MAGI1: variants seen among roughly 807,000 people sequenced by gnomAD.
MAGI1 encodes the protein membrane-associated guanylate kinase, WW and PDZ domain-containing protein 1.
In MAGI1, 58 loss-of-function variants were observed where a neutral mutation model predicts 139.9. The ratio of observed to expected loss-of-function variants is 0.41; its 90% CI spans 0.34 to 0.52. MAGI1 has a LOEUF of 0.52. Ranked by LOEUF, MAGI1 falls within the 20% of genes least tolerant of loss-of-function variation. MAGI1 has a pLI of 0.12. For missense variants in MAGI1, 1,874 were observed against 1,901.6 expected (o/e 0.99, Z 0.27); for synonymous variants, 812 against 737.9 (o/e 1.10, Z -1.63).
chr3:65,984,958 C>G (rs970974396), intron 1 of MAGI1, among the ~76,000 whole-genome samples: 2 of 152,130 alleles, frequency 1.3e-5, no homozygotes, highest in African/African-American at 4.8e-5. Context: ...GAGGTCTTGT[C>G]TGAGGTTCAT....
intron 12 of MAGI1, 104 bp downstream of exon 12, chr3:65,429,416 T>C: frequency 8.3e-7 from 1 of 1,207,034 alleles, no homozygotes; most frequent in East Asian, 2.4e-5. Flanking sequence ...TTTGAAACAT[T>C]TAAATAAATT....
intron 2 of MAGI1, among the ~76,000 whole-genome samples, chr3:65,557,883 A>G (rs1880523): frequency 0.71 from 108,097 of 152,086 alleles, 38,746 homozygotes; most frequent in East Asian, 0.95. Context: ...CCTAAAATCA[A>G]TCAGTAATTA....
chr3:65,461,011 G>C (rs923272008), intron 5 of MAGI1, among the ~76,000 whole-genome samples: 1 of 152,040 alleles, frequency 6.6e-6, no homozygotes, highest in Non-Finnish European at 1.5e-5. Context: ...ATAAACATAC[G>C]TGTGCATGTA....
At chr3:65,818,336 C>T (rs573507938) in intron 1 of MAGI1, among the ~76,000 whole-genome samples, 3 of 152,178 alleles carry the variant, frequency 2.0e-5, no homozygotes, top group East Asian at 1.9e-4. Flanking sequence ...TGCTGGAGAC[C>T]TGATAATAAA....
Position 65,985,603 on chromosome 3 carries a change from C to T in MAGI1, c.313+52393G>A, listed in dbSNP as rs567997800. On this transcript the variant is annotated intron_variant, in intron 1 of 22. Transcript: ENST00000402939. ...ACTTTCTTAAGTGGAAATCTCTCGTCTTTTTTTCCCCTGGTACTTTGAAAA... is the reference window on the plus strand; with the variant it reads ...ACTTTCTTAAGTGGAAATCTCTCGTTTTTTTTTCCCCTGGTACTTTGAAAA... Among the ~76,000 whole-genome samples the T allele has an allele frequency of 2.0e-5, 3 of 152,246 alleles. No homozygotes were observed. In the South Asian group the frequency reaches 6.2e-4, roughly 32 times the overall value.
At chr3:66,033,825 T>A (rs540102549) in intron 1 of MAGI1, among the ~76,000 whole-genome samples, 1 of 152,220 alleles carries the variant, frequency 6.6e-6, no homozygotes, top group Admixed American at 6.5e-5. Context: ...AAGCATGACC[T>A]GTAATACACC....
intron 14 of MAGI1, among the ~76,000 whole-genome samples, chr3:65,390,617 G>A (rs1239159913): frequency 1.3e-5 from 2 of 152,140 alleles, no homozygotes; most frequent in Non-Finnish European, 2.9e-5. Context: ...CACTGGATAA[G>A]TAATTAAAGC....
intron 1 of MAGI1, among the ~76,000 whole-genome samples, chr3:65,970,809 T>C (rs922235739): frequency 6.6e-6 from 1 of 152,252 alleles, no homozygotes; most frequent in African/African-American, 2.4e-5. Flanking sequence ...TCAATGGTCA[T>C]GGCTTTGCCA....
At chr3:65,942,880 G>A (rs2063378046) in intron 1 of MAGI1, among the ~76,000 whole-genome samples, 1 of 152,084 alleles carries the variant, frequency 6.6e-6, no homozygotes, top group African/African-American at 2.4e-5. Context: ...AATGAGCTGG[G>A]CGTGGTGGTG....
intron 1 of MAGI1, among the ~76,000 whole-genome samples, chr3:65,879,337 C>G (rs544065963): frequency 3.6e-4 from 54 of 151,946 alleles, no homozygotes; most frequent in Non-Finnish European, 6.0e-4. Context: ...AAGACCTGGC[C>G]CCAATCCACC....
chr3:65,903,774 G>A (rs559548180), intron 1 of MAGI1, among the ~76,000 whole-genome samples: 5 of 152,222 alleles, frequency 3.3e-5, no homozygotes, highest in East Asian at 3.9e-4. Context: ...TTGGGAGGCC[G>A]AGGTGGGAGG....
chr3:65,604,417 T>C (rs1179755073), intron 2 of MAGI1, among the ~76,000 whole-genome samples: 2 of 152,150 alleles, frequency 1.3e-5, no homozygotes, highest in African/African-American at 4.8e-5. Flanking sequence ...AAAACAAAAG[T>C]GCCTCAATTT....
intron 12 of MAGI1, among the ~76,000 whole-genome samples, chr3:65,428,750 T>A (rs1255670259): frequency 6.6e-6 from 1 of 152,128 alleles, no homozygotes; most frequent in Non-Finnish European, 1.5e-5. Context: ...TGAAATAACG[T>A]CTTGTGCTAA....
At chr3:65,377,319 G>A (rs1942630542) in intron 17 of MAGI1, among the ~76,000 whole-genome samples, 2 of 152,228 alleles carry the variant, frequency 1.3e-5, no homozygotes, top group South Asian at 2.1e-4. Context: ...ACTAAGTTTA[G>A]TTGATCTCCA....
intron 1 of MAGI1, among the ~76,000 whole-genome samples, chr3:65,951,009 AAGG>A (rs2063820893): frequency 4.1e-5 from 5 of 122,022 alleles, no homozygotes; most frequent in Admixed American, 7.9e-5. Context: ...GGAAGGAAGG[AAGG>A]AAGGAAGGAA....
intron 1 of MAGI1, among the ~76,000 whole-genome samples, chr3:65,623,085 G>A (rs527515960): frequency 1.8e-4 from 27 of 152,130 alleles, no homozygotes; most frequent in Non-Finnish European, 3.5e-4. Flanking sequence ...GGTAATACGA[G>A]GAATCATATG....
chr3:65,689,825 T>C (rs889422184), intron 1 of MAGI1, among the ~76,000 whole-genome samples: 1 of 152,246 alleles, frequency 6.6e-6, no homozygotes, highest in African/African-American at 2.4e-5. Flanking sequence ...CTGAAATCTT[T>C]TTAATTCAAT....
rs542791816 is a variant in MAGI1 at position 65,450,742 on chromosome 3, G to A, written c.1042+2516C>T. ...CATCAAAATCTCAAACCAGTTTCTC[G>A]ATTTTCTGAGATAGGAAATAGAACA... On this transcript the variant is annotated intron_variant, in intron 6 of 22. Transcript: ENST00000402939. 3.0e-4 allele frequency among the ~76,000 whole-genome samples: 46 copies of A among 152,206 alleles called. No individual in the cohort carries two copies. The South Asian group carries it at 8.3e-3, about 27-fold the overall frequency.
At chr3:65,847,009 T>A (rs2059028995) in intron 1 of MAGI1, among the ~76,000 whole-genome samples, 1 of 137,138 alleles carries the variant, frequency 7.3e-6, no homozygotes, top group Non-Finnish European at 1.5e-5. Flanking sequence ...CTAAGCACAT[T>A]TGTTTATACC....
Sources: gnomAD v4.1 joint callset for allele counts (sites outside exome capture counted in the v4.1 genomes callset) on GRCh38, gnomAD v4.1.1 for gene constraint, MANE v1.5 for transcripts, NCBI Gene and HGNC (gene_info 2026-07-23, HGNC 2026-07-21) for gene names.